Variants in TMEM131L observed in about 807,000 individuals in gnomAD.
The protein encoded by TMEM131L is transmembrane 131 like.
Under a neutral mutation model 192.2 loss-of-function variants are expected in TMEM131L, and 54 were observed. The observed-to-expected ratio is 0.28, with a 90% confidence interval of 0.23 to 0.35. TMEM131L has a LOEUF of 0.35. Ranked by LOEUF, TMEM131L falls within the 10% of genes least tolerant of loss-of-function variation. The pLI, the probability that TMEM131L is intolerant of heterozygous loss-of-function variation, is 1.00. For missense variants in TMEM131L, 1,888 were observed against 1,972.9 expected (o/e 0.96, Z 0.82); for synonymous variants, 701 against 704.9 (o/e 0.99, Z 0.09).
At chr4:153,570,766 G>T (rs559188850) in intron 7 of TMEM131L, among the ~76,000 whole-genome samples, 35 of 152,262 alleles carry the variant, frequency 2.3e-4, no homozygotes, top group African/African-American at 8.2e-4. Flanking sequence ...ACTTGCGGGG[G>T]CTTCTGAAAC....
chr4:153,495,105 A>T (rs936761789), intron 3 of TMEM131L, among the ~76,000 whole-genome samples: 1 of 152,214 alleles, frequency 6.6e-6, no homozygotes, highest in African/African-American at 2.4e-5. Context: ...ATCTGAGGTC[A>T]GTAGTTTGAG....
At chr4:153,557,813 G>A (rs776960112) in intron 6 of TMEM131L, among the ~76,000 whole-genome samples, 2 of 152,078 alleles carry the variant, frequency 1.3e-5, no homozygotes, top group Non-Finnish European at 2.9e-5. Flanking sequence ...TTATTTTTTA[G>A]TTTTTGAGGC....
At chr4:153,595,003 G>A (rs1443669569) in intron 19 of TMEM131L, among the ~76,000 whole-genome samples, 1 of 152,104 alleles carries the variant, frequency 6.6e-6, no homozygotes, top group Non-Finnish European at 1.5e-5. Context: ...ATTTAGATGT[G>A]AACAAATGAT....
chr4:153,614,875 A>T (rs1578870167), intron 26 of TMEM131L, among the ~76,000 whole-genome samples: 1 of 152,096 alleles, frequency 6.6e-6, no homozygotes, highest in Non-Finnish European at 1.5e-5. Context: ...AGAAGAGAAA[A>T]CCATCAGGAC....
chr4:153,635,479 A>G lies in TMEM131L; in HGVS notation c.4465A>G (p.Thr1489Ala), dbSNP rs1194566521. 2 of 1,613,868 alleles carry G rather than the reference A, an allele frequency of 1.2e-6. No individual in the cohort carries two copies. Among genetic ancestry groups the G allele is most frequent in the Non-Finnish European group, 1.7e-6 (2 of 1,179,800 alleles). ...NGFPCPADVQTDFIDHNSQST... is the reference protein window; with the variant it reads ...NGFPCPADVQADFIDHNSQST... ...CTTCCCCTGTCCTGCAGATGTTCAG[A>G]CAGACTTTATTGATCACAACTCTCA... The change falls in exon 34 of 35, where the codon ACA becomes GCA. Residue 1489 changes from threonine to alanine, a missense_variant. Physicochemically the swap from Thr to Ala is moderately conservative, Grantham distance 58 (BLOSUM62 0). Coordinates refer to ENST00000409959, the MANE Select transcript of TMEM131L (RefSeq NM_001131007.2).
At chr4:153,510,496 G>A (rs537990983) in intron 3 of TMEM131L, among the ~76,000 whole-genome samples, 2 of 152,180 alleles carry the variant, frequency 1.3e-5, no homozygotes, top group East Asian at 3.9e-4. Flanking sequence ...CCAAGTAGGG[G>A]GATAATTAAA....
chr4:153,634,611 C>T (rs992909168), intron 33 of TMEM131L, among the ~76,000 whole-genome samples: 5 of 152,302 alleles, frequency 3.3e-5, no homozygotes, highest in African/African-American at 9.6e-5. Flanking sequence ...GGGGCTTTAG[C>T]TGCTCGCTCT....
At chr4:153,502,143 C>T (rs544787438) in intron 3 of TMEM131L, among the ~76,000 whole-genome samples, 127 of 151,952 alleles carry the variant, frequency 8.4e-4, no homozygotes, top group African/African-American at 2.6e-3. Context: ...GAGTTTTCAC[C>T]GTGCTTCCCG....
At chr4:153,539,492 ATTTTTTTTTTT>A (rs750436196) in intron 3 of TMEM131L, among the ~76,000 whole-genome samples, 5 of 110,814 alleles carry the variant, frequency 4.5e-5, no homozygotes, top group South Asian at 5.6e-4. Context: ...CAGAGGCTAG[ATTTTTTTTTTT>A]TTTTTTTTTT....
chr4:153,560,886 T>C (rs896617078), intron 7 of TMEM131L, among the ~76,000 whole-genome samples: 1 of 152,240 alleles, frequency 6.6e-6, no homozygotes, highest in Admixed American at 6.5e-5. Flanking sequence ...ATCTTTTCTC[T>C]TAGGTGTATA....
intron 7 of TMEM131L, among the ~76,000 whole-genome samples, chr4:153,564,228 G>A (rs1041303884): frequency 3.5e-5 from 5 of 143,996 alleles, no homozygotes; most frequent in African/African-American, 5.3e-5. Context: ...GGCGGAGGTT[G>A]CAGTCAGCTG....
intron 3 of TMEM131L, among the ~76,000 whole-genome samples, chr4:153,477,697 A>C (rs1731648307): frequency 6.6e-6 from 1 of 152,198 alleles, no homozygotes; most frequent in Non-Finnish European, 1.5e-5. Context: ...TTTATTTATA[A>C]AAATGAATTA....
chr4:153,533,217 T>G (rs1415136104), intron 3 of TMEM131L, among the ~76,000 whole-genome samples: 3 of 152,170 alleles, frequency 2.0e-5, no homozygotes, highest in Non-Finnish European at 4.4e-5. Context: ...ACTCCCGACC[T>G]CACTTTATCC....
intron 24 of TMEM131L, 38 bp from the exon 25 acceptor site, chr4:153,603,764 T>C (rs1732012257): frequency 1.3e-6 from 2 of 1,540,488 alleles, no homozygotes; most frequent in Non-Finnish European, 1.7e-6. Flanking sequence ...TTTGATTTGA[T>C]TTGCCTCTAT....
At chr4:153,475,387 A>T (rs1731458704) in intron 3 of TMEM131L, among the ~76,000 whole-genome samples, 1 of 152,228 alleles carries the variant, frequency 6.6e-6, no homozygotes, top group South Asian at 2.1e-4. Flanking sequence ...AAGCTGTTTC[A>T]GTACTTACAA....
At chr4:153,563,691 C>T (rs1368734147) in intron 7 of TMEM131L, among the ~76,000 whole-genome samples, 1 of 151,942 alleles carries the variant, frequency 6.6e-6, no homozygotes. Flanking sequence ...TGGTCTCAAA[C>T]TCTTGGACTC....
At position 153,567,317 on chromosome 4, in the gene TMEM131L, T is replaced by A. The variant is rs535633309; in HGVS notation, c.660+8949T>A. The stretch of plus-strand genomic sequence containing the variant: ...ATTAGTTAAATGGAATAAACAGTAT[T>A]GTGATAGCTGAGAATTCCTACAAAT... On this transcript the variant is annotated intron_variant, in intron 7 of 34. Transcript: ENST00000409959. 2.0e-5 allele frequency among the ~76,000 whole-genome samples: 3 copies of A among 152,358 alleles called. No homozygotes were observed. The South Asian group carries it at 6.2e-4, about 32-fold the overall frequency.
Position 153,583,207 on chromosome 4 carries a change from A to T in TMEM131L, c.910A>T (p.Met304Leu), listed in dbSNP as rs1240021792. 6.9e-7 allele frequency: 1 copy of T among 1,448,550 alleles called. No homozygotes were observed. Among genetic ancestry groups the T allele is most frequent in the East Asian group, 2.3e-5 (1 of 44,042 alleles). 89.7% of individuals were successfully genotyped at this position (1,448,550 alleles called of 1,614,324 possible). Residue 304 changes from methionine to leucine, a missense_variant, in exon 10 of 35, where the codon ATG (methionine) becomes TTG (leucine). By Grantham distance (15) the Met-to-Leu change is conservative (BLOSUM62 2). Coordinates refer to ENST00000409959, the MANE Select transcript of TMEM131L (RefSeq NM_001131007.2). Reference sequence around the variant, plus strand: ...TTGGACAGATGATTCAGCAGTAAATATGTATATATTACATTCAGGAAACAG... The same window carrying T: ...TTGGACAGATGATTCAGCAGTAAATTTGTATATATTACATTCAGGAAACAG... ...SETSDDSAVN[M>L]YILHSGNSLI... is the part of the protein sequence containing the mutation.
chr4:153,625,203 G>C (rs1224759403), intron 29 of TMEM131L, among the ~76,000 whole-genome samples: 1 of 152,166 alleles, frequency 6.6e-6, no homozygotes, highest in African/African-American at 2.4e-5. Context: ...CTTGAGGTCA[G>C]GAGTTCAAGA....
Sources: gnomAD v4.1 joint callset for allele counts (sites outside exome capture counted in the v4.1 genomes callset) on GRCh38, gnomAD v4.1.1 for gene constraint, MANE v1.5 for transcripts, NCBI Gene and HGNC (gene_info 2026-07-23, HGNC 2026-07-21) for gene names.